The following FAM222A variants were observed in gnomAD, a reference collection of about 807,000 sequenced individuals.
The protein encoded by FAM222A is family with sequence similarity 222 member A.
A neutral mutation model predicts 25.8 loss-of-function variants in FAM222A; 7 were observed. The ratio of observed to expected loss-of-function variants is 0.27; its 90% CI spans 0.15 to 0.51. The LOEUF (loss-of-function observed/expected upper bound fraction) is 0.51. Ranked by LOEUF, FAM222A falls within the 20% of genes least tolerant of loss-of-function variation. The probability of loss-of-function intolerance (pLI) is 0.97; values close to 1 mark genes in which losing one functional copy is unlikely to be tolerated. For missense variants in FAM222A, 573 were observed against 640.5 expected, an observed-to-expected ratio of 0.89 and a Z score of 1.14; for synonymous variants, 294 against 298.8, an observed-to-expected ratio of 0.98 and a Z score of 0.17.
chr12:109,734,936 AAAAC>A (rs1159350722), intron 1 of FAM222A: 4 of 152,512 alleles, frequency 2.6e-5, no homozygotes, highest in South Asian at 4.1e-4. Flanking sequence ...AGATTTAAAT[AAAAC>A]AAACATTGAG....
intron 1 of FAM222A, among the ~76,000 whole-genome samples, chr12:109,732,889 C>T (rs1291663365): frequency 6.6e-6 from 1 of 152,278 alleles, no homozygotes. Flanking sequence ...CTGTGTGCCC[C>T]ATCGTGCAGA....
intron 1 of FAM222A, among the ~76,000 whole-genome samples, chr12:109,720,886 C>T (rs1461950381): frequency 6.6e-6 from 1 of 152,194 alleles, no homozygotes; most frequent in Admixed American, 6.5e-5. Flanking sequence ...GTGAACAAGC[C>T]AGACGTGGGC....
chr12:109,739,693 G>A (rs1181071772), intron 1 of FAM222A, among the ~76,000 whole-genome samples: 4 of 152,154 alleles, frequency 2.6e-5, no homozygotes, highest in Non-Finnish European at 5.9e-5. Context: ...ATCCCTCCCT[G>A]CCCAGTTGAC....
In FAM222A at chr12:109,768,955, C is replaced by A. The variant is rs79456911; in HGVS notation, c.1026C>A (p.Gly342=). Residue 342 remains glycine (G), a synonymous_variant, in exon 3 of 3, where the codon GGC becomes GGA. Coordinates refer to ENST00000538780, the MANE Select transcript of FAM222A (RefSeq NM_032829.3). The stretch of plus-strand genomic sequence containing the variant: ...GGCTGCCCACCAGCTTCACCGTAGG[C>A]CAGTACTTTGCGGCCCCGTGGAACA... ...GVGLPTSFTV[G]QYFAAPWNSV... The A allele has an allele frequency of 8.7e-3, 13,717 of 1,574,026 alleles. 82 individuals are homozygous for A. The highest frequency in any genetic ancestry group is 0.02 in the Middle Eastern group (121 of 6,030).
intron 2 of FAM222A, among the ~76,000 whole-genome samples, chr12:109,759,822 A>G (rs895008427): frequency 2.0e-5 from 3 of 152,212 alleles, no homozygotes; most frequent in East Asian, 1.9e-4. Context: ...GCCGCCATCC[A>G]TGGGACGCTT....
intron 2 of FAM222A, among the ~76,000 whole-genome samples, chr12:109,765,689 G>A (rs1259455905): frequency 1.3e-5 from 2 of 152,168 alleles, no homozygotes; most frequent in Admixed American, 1.3e-4. Context: ...GAGCCCACGA[G>A]GTGTCAGGGA....
intron 1 of FAM222A, among the ~76,000 whole-genome samples, chr12:109,729,170 C>T (rs1015723442): frequency 3.9e-5 from 6 of 152,180 alleles, no homozygotes; most frequent in Admixed American, 3.3e-4. Flanking sequence ...GGTTCCAGCA[C>T]TGCCAGGTTT....
Position 109,714,204 on chromosome 12 carries a change from C to T in FAM222A, c.-740C>T, listed in dbSNP as rs1160344771. 5 of 197,474 alleles carry T rather than the reference C, an allele frequency of 2.5e-5. No individual in the cohort carries two copies. Among genetic ancestry groups the T allele is most frequent in the Admixed American group, 6.3e-5 (1 of 15,890 alleles). The allele number at this position is 197,474 out of a possible 1,614,324, so 12.2% of individuals were successfully genotyped here. On this transcript the variant is annotated 5_prime_UTR_variant, in exon 1 of 3. Transcript: ENST00000538780. This position sits in a 1 kb window ranked among gnomAD's most constrained non-coding sequence, Gnocchi z 4.2. ...CATCCGAGCTTGCGTCGCCCGCTGC[C>T]GCCGCCGCCGCCGCTGCCGCCGCCG... is the stretch of plus-strand genomic sequence containing the variant.
At chr12:109,748,844 GT>G (rs1255368065) in intron 2 of FAM222A, among the ~76,000 whole-genome samples, 1 of 151,448 alleles carries the variant, frequency 6.6e-6, no homozygotes, top group Non-Finnish European at 1.5e-5. Context: ...TTCTTTTCTG[GT>G]TTCTAACTCA....
chr12:109,731,697 C>T (rs558385086), intron 1 of FAM222A, among the ~76,000 whole-genome samples: 3 of 152,186 alleles, frequency 2.0e-5, no homozygotes, highest in Admixed American at 6.5e-5. Context: ...AAGCTGGGTC[C>T]GGAGGAGGCT....
intron 1 of FAM222A, among the ~76,000 whole-genome samples, chr12:109,739,149 T>C (rs560668076): frequency 6.6e-6 from 1 of 152,338 alleles, no homozygotes; most frequent in East Asian, 1.9e-4. Context: ...GCCCATGGCT[T>C]TCCCGGGGTC....
At chr12:109,720,844 G>C (rs1325877388) in intron 1 of FAM222A, among the ~76,000 whole-genome samples, 1 of 152,186 alleles carries the variant, frequency 6.6e-6, no homozygotes, top group Non-Finnish European at 1.5e-5. Flanking sequence ...CACAGTATGT[G>C]GGCACTGTGC....
intron 2 of FAM222A, among the ~76,000 whole-genome samples, chr12:109,756,123 A>G (rs1204132285): frequency 6.6e-6 from 1 of 152,156 alleles, no homozygotes; most frequent in African/African-American, 2.4e-5. Flanking sequence ...TCTTTCAACA[A>G]TGTTTTGTAG....
intron 2 of FAM222A, among the ~76,000 whole-genome samples, chr12:109,749,124 G>A (rs1328036286): frequency 6.6e-6 from 1 of 152,134 alleles, no homozygotes; most frequent in East Asian, 1.9e-4. Context: ...TGTTTGTTTC[G>A]AGATGGAGTT....
intron 1 of FAM222A, among the ~76,000 whole-genome samples, chr12:109,738,713 G>A (rs960430096): frequency 7.9e-5 from 12 of 152,208 alleles, no homozygotes; most frequent in African/African-American, 2.9e-4. Flanking sequence ...CAATGGCTAC[G>A]TCTAGAGCCC....
At chr12:109,744,780 CT>C (rs1327839228) in intron 2 of FAM222A, 1 of 984,590 alleles carries the variant, frequency 1.0e-6, no homozygotes, top group African/African-American at 1.7e-5. Flanking sequence ...TAATGAAGTA[CT>C]TAGAAACGGA....
At chr12:109,740,508 C>CT (rs1161478347) in intron 1 of FAM222A, among the ~76,000 whole-genome samples, 40 of 152,140 alleles carry the variant, frequency 2.6e-4, no homozygotes, top group African/African-American at 9.7e-4. Flanking sequence ...GGCGGGGACT[C>CT]TGAGAGGCTG....
At chr12:109,731,423 G>C (rs530758190) in intron 1 of FAM222A, among the ~76,000 whole-genome samples, 54 of 152,270 alleles carry the variant, frequency 3.5e-4, no homozygotes, top group African/African-American at 1.2e-3. Flanking sequence ...TTCGCATCCA[G>C]ATCCCACCAG....
intron 1 of FAM222A, among the ~76,000 whole-genome samples, chr12:109,719,298 G>A (rs1031966563): frequency 2.0e-5 from 3 of 152,192 alleles, no homozygotes; most frequent in Non-Finnish European, 4.4e-5. Context: ...TTTGCTGCCC[G>A]AGGTCACACA....
Sources: allele counts gnomAD v4.1 joint callset (sites outside exome capture counted in the v4.1 genomes callset), GRCh38; gene constraint gnomAD v4.1.1; non-coding constraint Gnocchi (gnomAD v3.1); transcripts MANE v1.5; gene names NCBI Gene and HGNC (gene_info 2026-07-23, HGNC 2026-07-21).